The following PLA2R1 variants were observed in gnomAD, a reference collection of about 807,000 sequenced individuals.
PLA2R1 encodes phospholipase A2 receptor 1.
PLA2R1 carries 158 observed loss-of-function variants against 195.9 expected under a neutral mutation model. The observed-to-expected ratio is 0.81, with a 90% CI of 0.71 to 0.92. The LOEUF (loss-of-function observed/expected upper bound fraction) is 0.92. Ranked by LOEUF, PLA2R1 falls within the 40% of genes least tolerant of loss-of-function variation. The pLI is 0.00. For synonymous variants in PLA2R1, 586 were observed against 598.2 expected, an observed-to-expected ratio of 0.98 and a Z score of 0.30; for missense variants, 1,626 against 1,764.6, an observed-to-expected ratio of 0.92 and a Z score of 1.41.
chr2:159,997,636 G>A lies in PLA2R1; in HGVS notation c.1834+8016C>T, dbSNP rs570805302. Among the ~76,000 whole-genome samples, 432 of 152,164 alleles carry A rather than the reference G, an allele frequency of 2.8e-3. 2 individuals carry two copies. Among genetic ancestry groups the A allele is most frequent in the Middle Eastern group, 6.8e-3 (2 of 294 alleles). ...TCCCCTACAGTTTTTAACCCTTAGA[G>A]TTGTCTGTGTTGAGCCTCCAGCAGT... On this transcript the variant is annotated intron_variant, in intron 11 of 29. Coordinates refer to ENST00000283243, the MANE Select transcript of PLA2R1 (RefSeq NM_007366.5).
At chr2:160,008,264 C>T (rs1343728105) in intron 10 of PLA2R1, among the ~76,000 whole-genome samples, 1 of 152,158 alleles carries the variant, frequency 6.6e-6, no homozygotes, top group Non-Finnish European at 1.5e-5. Context: ...TATGACTGAA[C>T]CACTGTACTC....
chr2:159,945,695 G>C (rs970650517), intron 27 of PLA2R1: 1 of 543,876 alleles, frequency 1.8e-6, no homozygotes, highest in Non-Finnish European at 2.3e-6. Context: ...ATGATTTATA[G>C]TCCTTTGGGT....
chr2:160,026,091 C>T lies in PLA2R1; in HGVS notation c.1099+2127G>A, dbSNP rs72966311. On this transcript the variant is annotated intron_variant, in intron 6 of 29. Transcript: ENST00000283243. The stretch of plus-strand genomic sequence containing the variant: ...TTGTTTCACTAAGATAACCATTTTA[C>T]TATCTATATATGTATCCTATGACAT... Among the ~76,000 whole-genome samples, 280 of 152,220 alleles carry T rather than the reference C, an allele frequency of 1.8e-3. 1 individual carries two copies. The highest frequency in any genetic ancestry group is 3.3e-3 in the Non-Finnish European group (222 of 68,014).
intron 3 of PLA2R1, among the ~76,000 whole-genome samples, chr2:160,036,769 G>T (rs539575596): frequency 6.6e-6 from 1 of 152,274 alleles, no homozygotes; most frequent in South Asian, 2.1e-4. Context: ...CCCCAACCCA[G>T]AATCTATACA....
chr2:160,044,784 A>T lies in PLA2R1; in HGVS notation c.483T>A (p.Tyr161Ter). 1 of 1,610,174 alleles carries T rather than the reference A, an allele frequency of 6.2e-7. No individual in the cohort carries two copies. The highest frequency in any genetic ancestry group is 8.5e-7 in the Non-Finnish European group (1 of 1,176,654). Residue 161 changes from tyrosine (Y) to a stop codon, truncating the protein, a stop_gained, in exon 2 of 30, where the codon TAT becomes TAA. Coordinates refer to ENST00000283243, the MANE Select transcript of PLA2R1 (RefSeq NM_007366.5). LOFTEE classifies it high-confidence loss of function. ...YGSGGGDICE[Y>*]LHKDLHTIKG... ...TTAAATTATTTTTACCTTTGTGTAG[A>T]TATTCACAAATGTCTCCACCACCTG...
At chr2:159,953,435 A>T (rs2125934979) in intron 23 of PLA2R1, among the ~76,000 whole-genome samples, 1 of 152,386 alleles carries the variant, frequency 6.6e-6, no homozygotes, top group East Asian at 1.9e-4. Flanking sequence ...TAACTAGTGT[A>T]GTTGAACAAT....
intron 9 of PLA2R1, among the ~76,000 whole-genome samples, chr2:160,015,773 A>G (rs935442551): frequency 2.6e-5 from 4 of 152,242 alleles, no homozygotes. Context: ...ATGTTTACAC[A>G]TTGATTAATG....
chr2:159,944,869 G>C, intron 28 of PLA2R1, 37 bp downstream of exon 28: 1 of 1,498,016 alleles, frequency 6.7e-7, no homozygotes, highest in Non-Finnish European at 9.3e-7. Context: ...AGTTAAGGTA[G>C]AATCAAAATG....
chr2:159,924,337 G>A, the PLA2R1 span, among the ~76,000 whole-genome samples: 5 of 152,090 alleles, frequency 3.3e-5, no homozygotes, highest in Non-Finnish European at 7.4e-5. Flanking sequence ...GGTAACATTC[G>A]GATTCCAGGG....
In PLA2R1 at chr2:159,932,316, G is replaced by A. The variant is rs1421659799; in HGVS notation, c.*9462C>T. 6.6e-6 allele frequency: 1 copy of A among 152,268 alleles called. No individual in the cohort carries two copies. 9.4% of individuals were successfully genotyped at this position (152,268 alleles called of 1,614,324 possible). ...GGTGTCATCTGGAGTAAAAGGGAAGGAAACAATTCCTTGTCTGATCAGAGG... is the reference window on the plus strand; with the variant it reads ...GGTGTCATCTGGAGTAAAAGGGAAGAAAACAATTCCTTGTCTGATCAGAGG... On this transcript the variant is annotated 3_prime_UTR_variant, in exon 30 of 30. Coordinates refer to ENST00000283243, the MANE Select transcript of PLA2R1 (RefSeq NM_007366.5).
chr2:160,037,347 G>A (rs909982151), intron 3 of PLA2R1, among the ~76,000 whole-genome samples: 1 of 152,134 alleles, frequency 6.6e-6, no homozygotes, highest in Non-Finnish European at 1.5e-5. Flanking sequence ...GACACTCATG[G>A]ACTCTGTCTG....
chr2:159,929,854 G>GTT (rs1686547582), downstream of PLA2R1, among the ~76,000 whole-genome samples: 1 of 143,656 alleles, frequency 7.0e-6, no homozygotes, highest in Non-Finnish European at 1.5e-5. Flanking sequence ...TTATATATTT[G>GTT]TGTGTGTGTG....
intron 10 of PLA2R1, among the ~76,000 whole-genome samples, chr2:160,011,198 A>T (rs1692338645): frequency 6.6e-6 from 1 of 152,242 alleles, no homozygotes; most frequent in Non-Finnish European, 1.5e-5. Flanking sequence ...AGGTCCCCAA[A>T]GGGTTCATGG....
intron 2 of PLA2R1, among the ~76,000 whole-genome samples, chr2:160,042,798 T>C (rs954572688): frequency 4.7e-5 from 3 of 64,398 alleles, no homozygotes; most frequent in East Asian, 8.4e-4. Flanking sequence ...GGTGTGTGTG[T>C]GCGTGTGTGT....
chr2:159,966,113 C>T (rs1314491897), intron 20 of PLA2R1, among the ~76,000 whole-genome samples: 1 of 152,094 alleles, frequency 6.6e-6, no homozygotes, highest in East Asian at 1.9e-4. Context: ...AATAAACATA[C>T]AATCAATTAG....
At chr2:159,975,552 T>C (rs1041410321) in intron 17 of PLA2R1, among the ~76,000 whole-genome samples, 11 of 152,116 alleles carry the variant, frequency 7.2e-5, no homozygotes, top group African/African-American at 2.4e-4. Flanking sequence ...TTTGAAAGTT[T>C]AAAACTGCCA....
rs1574629161 is a variant in PLA2R1, at chr2:159,938,736, A to C, written c.*3042T>G. 1 of 152,290 alleles carries C rather than the reference A, an allele frequency of 6.6e-6. No homozygotes were observed. Among genetic ancestry groups the C allele is most frequent in the East Asian group, 1.9e-4 (1 of 5,202 alleles). 9.4% of individuals were successfully genotyped at this position (152,290 alleles called of 1,614,324 possible). A position where few individuals can be genotyped will look rare whatever the true frequency, so the allele number is the denominator to read the frequency against. ...AGTAAGTTGTCACCTTCTCCCCTCAACACTACCAGGACACAGCAAGTTCTT... is the reference window on the plus strand; with the variant it reads ...AGTAAGTTGTCACCTTCTCCCCTCACCACTACCAGGACACAGCAAGTTCTT... On this transcript the variant is annotated 3_prime_UTR_variant, in exon 30 of 30. Coordinates refer to ENST00000283243, the MANE Select transcript of PLA2R1 (RefSeq NM_007366.5).
In PLA2R1 at chr2:159,944,975, T is replaced by A. The variant is rs1687291666; in HGVS notation, c.4075A>T (p.Ile1359Phe). 6.2e-7 allele frequency: 1 copy of A among 1,613,454 alleles called. No individual in the cohort carries two copies. The highest frequency in any genetic ancestry group is 8.5e-7 in the Non-Finnish European group (1 of 1,179,456). ...GATAGCTGCCATAATCCTTCAGGGATCCTCAAGGCAACACAATGATGGGGC... is the reference window on the plus strand; with the variant it reads ...GATAGCTGCCATAATCCTTCAGGGAACCTCAAGGCAACACAATGATGGGGC... ...FKPHHCVALR[I>F]PEGLWQLSPC... The change falls in exon 28 of 30, where the codon ATC (isoleucine) becomes TTC (phenylalanine). Residue 1359 changes from isoleucine to phenylalanine, a missense_variant. Transcript: ENST00000283243.
intron 23 of PLA2R1, 79 bp downstream of exon 23, chr2:159,955,120 A>T: frequency 9.5e-7 from 1 of 1,052,902 alleles, no homozygotes; most frequent in Non-Finnish European, 1.4e-6. Flanking sequence ...TACATTAGCT[A>T]CACAGCTGTG....
Sources: gnomAD v4.1 joint callset for allele counts (sites outside exome capture counted in the v4.1 genomes callset) on GRCh38, gnomAD v4.1.1 for gene constraint, MANE v1.5 for transcripts, NCBI Gene and HGNC (gene_info 2026-07-23, HGNC 2026-07-21) for gene names.